The following ATL3 variants were observed in gnomAD, a reference collection of about 807,000 sequenced individuals.
ATL3 encodes the protein atlastin-3.
Under a neutral mutation model 69.5 loss-of-function variants are expected in ATL3, and 49 were observed. The ratio of observed to expected loss-of-function variants is 0.71; its 90% CI spans 0.56 to 0.89. The LOEUF (loss-of-function observed/expected upper bound fraction) is 0.89, where lower values mean the gene tolerates loss of function less well. Ranked by LOEUF, ATL3 falls within the 40% of genes least tolerant of loss-of-function variation. ATL3 has a pLI of 0.00. For synonymous variants in ATL3, 214 were observed against 224.1 expected, an observed-to-expected ratio of 0.95 and a Z score of 0.40; for missense variants, 606 against 645.7, an observed-to-expected ratio of 0.94 and a Z score of 0.67.
intron 5 of ATL3, chr11:63,650,571 A>AC (rs1455219740): frequency 6.6e-6 from 1 of 152,188 alleles, no homozygotes; most frequent in African/African-American, 2.4e-5. Flanking sequence ...TGCTGAGTCT[A>AC]CCAACAGCCT....
intron 3 of ATL3, among the ~76,000 whole-genome samples, chr11:63,653,992 T>C (rs950875498): frequency 6.6e-6 from 1 of 152,202 alleles, no homozygotes; most frequent in Non-Finnish European, 1.5e-5. Flanking sequence ...GTATGGGTTT[T>C]AGCTAATGAC....
chr11:63,652,685 T>C (rs772900805), intron 3 of ATL3, 110 bp from the exon 4 acceptor site: 32 of 682,798 alleles, frequency 4.7e-5, no homozygotes, highest in Non-Finnish European at 6.9e-5. Context: ...GTAATGTTTA[T>C]GTGAGCCTTA....
intron 8 of ATL3, among the ~76,000 whole-genome samples, chr11:63,642,905 T>C (rs1299042418): frequency 4.6e-5 from 7 of 152,206 alleles, no homozygotes; most frequent in African/African-American, 4.8e-5. Flanking sequence ...CCAACTACGA[T>C]TCCTCTCACC....
At chr11:63,658,185 A>G (rs1940316629) in intron 3 of ATL3, among the ~76,000 whole-genome samples, 1 of 152,126 alleles carries the variant, frequency 6.6e-6, no homozygotes, top group Non-Finnish European at 1.5e-5. Context: ...GGTTAAGAGC[A>G]CAAAATGTAA....
intron 11 of ATL3, among the ~76,000 whole-genome samples, chr11:63,631,704 G>C (rs933595438): frequency 6.6e-6 from 1 of 152,166 alleles, no homozygotes; most frequent in Non-Finnish European, 1.5e-5. Context: ...ACACTGGGAC[G>C]GGTGCGGTGG....
At chr11:63,671,023 G>A (rs1318675777) in intron 1 of ATL3, among the ~76,000 whole-genome samples, 1 of 152,118 alleles carries the variant, frequency 6.6e-6, no homozygotes, top group Non-Finnish European at 1.5e-5. Context: ...AGCTGGAGGA[G>A]CCCCCGGCGG....
intron 1 of ATL3, among the ~76,000 whole-genome samples, chr11:63,668,666 A>C (rs1212193681): frequency 1.3e-5 from 2 of 152,148 alleles, no homozygotes; most frequent in African/African-American, 2.4e-5. Flanking sequence ...TGAATCTGAA[A>C]ATGATGCCAG....
In ATL3 at chr11:63,629,305, T is replaced by G. The variant is rs1343742541; in HGVS notation, c.*14A>C. 2.5e-6 allele frequency: 4 copies of G among 1,609,456 alleles called. No homozygotes were observed. Among genetic ancestry groups the G allele is most frequent in the Non-Finnish European group, 3.4e-6 (4 of 1,175,710 alleles). On this transcript the variant is annotated 3_prime_UTR_variant, in exon 13 of 13. Coordinates refer to ENST00000398868, the MANE Select transcript of ATL3 (RefSeq NM_015459.5). ...GGGCTTGTTGTGTTCTTGTTTGATC[T>G]TCACGTTAAGATGCTATTGAGCTTT...
At chr11:63,652,433 T>G (rs1030155160) in intron 4 of ATL3, 38 bp downstream of exon 4, 1 of 1,320,046 alleles carries the variant, frequency 7.6e-7, no homozygotes, top group East Asian at 2.4e-5. Context: ...TTATCTTATT[T>G]CCTTTGCGAG....
chr11:63,647,766 T>C (rs1248850647), intron 5 of ATL3, among the ~76,000 whole-genome samples: 1 of 152,150 alleles, frequency 6.6e-6, no homozygotes, highest in Non-Finnish European at 1.5e-5. Flanking sequence ...AAACAAACTT[T>C]AAAAGTAAAT....
chr11:63,637,318 G>A (rs913429600), intron 8 of ATL3, among the ~76,000 whole-genome samples: 2 of 151,290 alleles, frequency 1.3e-5, no homozygotes, highest in African/African-American at 4.8e-5. Context: ...TCTTCAACAA[G>A]TCAATTTTCA....
At chr11:63,671,645 G>A (rs753379703), upstream of ATL3, 2 of 1,408,410 alleles carry the variant, frequency 1.4e-6, no homozygotes, top group Middle Eastern at 3.7e-4. Context: ...CCTGTTGGCG[G>A]GGCGCTGAGT....
intron 1 of ATL3, among the ~76,000 whole-genome samples, chr11:63,662,865 C>G (rs1940463254): frequency 6.6e-6 from 1 of 151,334 alleles, no homozygotes. Flanking sequence ...CGACACAGTA[C>G]CCAGCCAAGA....
At position 63,658,802 on chromosome 11, in the gene ATL3, A is replaced by G; in HGVS notation, c.364T>C (p.Trp122Arg). The G allele has an allele frequency of 6.2e-7, 1 of 1,612,028 alleles. No homozygotes were observed. Among genetic ancestry groups the G allele is most frequent in the Non-Finnish European group, 8.5e-7 (1 of 1,179,310 alleles). ...SDPETTGIQI[W>R]SEVFTVEKPG... is the part of the protein sequence containing the mutation. ...TTCTCCACAGTGAAAACTTCACTCC[A>G]GATTTGAATCCCAGTGGTTTCTGGA... The change falls in exon 3 of 13, where the codon TGG (tryptophan) becomes CGG (arginine). Residue 122 changes from tryptophan to arginine, a missense_variant. Coordinates refer to ENST00000398868, the MANE Select transcript of ATL3 (RefSeq NM_015459.5).
intron 7 of ATL3, 40 bp downstream of exon 7, chr11:63,644,129 A>T: frequency 7.5e-7 from 1 of 1,333,942 alleles, no homozygotes; most frequent in Non-Finnish European, 1.1e-6. Flanking sequence ...AGCTATCACT[A>T]CTTTGAGATA....
At chr11:63,649,030 A>C (rs902068987) in intron 5 of ATL3, among the ~76,000 whole-genome samples, 5 of 152,014 alleles carry the variant, frequency 3.3e-5, no homozygotes, top group Admixed American at 6.6e-5. Flanking sequence ...CTAAGGCAGC[A>C]GAATCACTTG....
intron 10 of ATL3, 63 bp from the exon 11 acceptor site, chr11:63,633,160 C>A: frequency 2.2e-6 from 3 of 1,380,578 alleles, no homozygotes; most frequent in Non-Finnish European, 3.1e-6. Flanking sequence ...CCACAAATAA[C>A]CTAACAAAAA....
chr11:63,632,152 G>A (rs1939342451), intron 11 of ATL3: 3 of 410,638 alleles, frequency 7.3e-6, no homozygotes, highest in East Asian at 4.8e-5. Context: ...GAAGCCCTGC[G>A]ACTTCCCTAA....
At chr11:63,647,505 T>A (rs1939922979) in intron 5 of ATL3, among the ~76,000 whole-genome samples, 1 of 152,240 alleles carries the variant, frequency 6.6e-6, no homozygotes, top group African/African-American at 2.4e-5. Context: ...AAAAGTTTTT[T>A]TCTTAACATT....
Sources: allele counts gnomAD v4.1 joint callset (sites outside exome capture counted in the v4.1 genomes callset), GRCh38; gene constraint gnomAD v4.1.1; transcripts MANE v1.5; gene names NCBI Gene and HGNC (gene_info 2026-07-23, HGNC 2026-07-21).